CA10: variants seen among roughly 807,000 people sequenced by gnomAD.
CA10 encodes the protein carbonic anhydrase 10 (inactive).
A neutral mutation model predicts 44.2 loss-of-function variants in CA10; 14 were observed. That is an observed-to-expected ratio of 0.32 (90% CI 0.21 to 0.50). The LOEUF (loss-of-function observed/expected upper bound fraction) is 0.50, where lower values mean the gene tolerates loss of function less well. CA10 is among the 20% of genes least tolerant of loss of function. CA10 has a pLI of 0.99. For missense variants in CA10, 350 were observed against 409.7 expected, an observed-to-expected ratio of 0.85 and a Z score of 1.26; for synonymous variants, 159 against 141.6, an observed-to-expected ratio of 1.12 and a Z score of -0.87.
intron 1 of CA10, among the ~76,000 whole-genome samples, chr17:52,125,519 G>C (rs1989100279): frequency 6.6e-6 from 1 of 152,132 alleles, no homozygotes. Context: ...AAGTGGGGCG[G>C]ATCTCTAGAG....
chr17:51,733,371 A>G lies in CA10; in HGVS notation c.465+14262T>C, dbSNP rs576457302. 2.0e-5 allele frequency among the ~76,000 whole-genome samples: 3 copies of G among 152,212 alleles called. No individual in the cohort carries two copies. In the East Asian group the frequency reaches 5.8e-4, roughly 30 times the overall value. On this transcript the variant is annotated intron_variant, in intron 4 of 8. Coordinates refer to ENST00000451037, the MANE Select transcript of CA10 (RefSeq NM_020178.5). The stretch of plus-strand genomic sequence containing the variant: ...TGTTCCGTCTCGTTTCCAGTTTGAG[A>G]AGGCAGGGAGGCTGGGAAGCTGAAA...
At chr17:51,802,858 T>C (rs1906987567) in intron 3 of CA10, among the ~76,000 whole-genome samples, 2 of 152,166 alleles carry the variant, frequency 1.3e-5, no homozygotes, top group Admixed American at 6.6e-5. Context: ...TCAAGCTCTA[T>C]CTGCTTCCAG....
intron 2 of CA10, among the ~76,000 whole-genome samples, chr17:51,946,856 A>G (rs1649548470): frequency 1.3e-5 from 2 of 152,140 alleles, no homozygotes; most frequent in Non-Finnish European, 2.9e-5. Flanking sequence ...TGTTTGATGA[A>G]TGAATGAGGA....
At chr17:51,728,300 A>G (rs1916598282) in intron 4 of CA10, among the ~76,000 whole-genome samples, 5 of 151,992 alleles carry the variant, frequency 3.3e-5, no homozygotes, top group Admixed American at 3.3e-4. Flanking sequence ...TTTTTTATTG[A>G]AACTAAGAAG....
rs1406721956 is a variant in CA10 at position 51,796,229 on chromosome 17, T to TA, written c.280-48412dup. On this transcript the variant is annotated intron_variant, in intron 3 of 8. Coordinates refer to ENST00000451037, the MANE Select transcript of CA10 (RefSeq NM_020178.5). ...GTGTTCCAATCCTGTTCTTTTTTTT[T>TA]AGAGGCGACCACTGAGGCCCAGAAA... Among the ~76,000 whole-genome samples, 9 of 152,082 alleles carry TA rather than the reference T, an allele frequency of 5.9e-5. No individual in the cohort carries two copies. In the South Asian group the frequency reaches 1.7e-3, roughly 28 times the overall value.
At chr17:51,823,653 TGAC>T (rs1432028262) in intron 3 of CA10, among the ~76,000 whole-genome samples, 1 of 152,176 alleles carries the variant, frequency 6.6e-6, no homozygotes. Context: ...CAGTGGATGA[TGAC>T]AACTCTTAAG....
chr17:52,109,640 T>C (rs1191062643), intron 1 of CA10, among the ~76,000 whole-genome samples: 2 of 152,232 alleles, frequency 1.3e-5, no homozygotes, highest in African/African-American at 2.4e-5. Context: ...TGGAAATTAA[T>C]AGAGAGGGAG....
intron 3 of CA10, among the ~76,000 whole-genome samples, chr17:51,756,855 C>A (rs552528014): frequency 1.4e-4 from 22 of 152,136 alleles, no homozygotes; most frequent in African/African-American, 4.3e-4. Flanking sequence ...CATGGATATG[C>A]CAGGTTGGGT....
At chr17:51,680,928 TC>T (rs1914825457) in intron 4 of CA10, among the ~76,000 whole-genome samples, 1 of 152,058 alleles carries the variant, frequency 6.6e-6, no homozygotes, top group Non-Finnish European at 1.5e-5. Flanking sequence ...CCCCCAACAT[TC>T]CCAGAGAGCC....
intron 4 of CA10, among the ~76,000 whole-genome samples, chr17:51,734,056 T>C (rs1429842584): frequency 1.3e-5 from 1 of 79,818 alleles, no homozygotes; most frequent in Non-Finnish European, 2.8e-5. Context: ...CAAGAAAAGG[T>C]CGCAGATCCA....
chr17:51,753,848 T>A (rs1904979378), intron 3 of CA10, among the ~76,000 whole-genome samples: 1 of 152,132 alleles, frequency 6.6e-6, no homozygotes, highest in South Asian at 2.1e-4. Flanking sequence ...GTGCAGTTTT[T>A]GTTTCTGTTT....
At chr17:52,106,264 C>A (rs1004714567) in intron 1 of CA10, among the ~76,000 whole-genome samples, 1 of 152,190 alleles carries the variant, frequency 6.6e-6, no homozygotes, top group Non-Finnish European at 1.5e-5. Context: ...CCATTCATTC[C>A]GTTTCCAAAT....
At chr17:52,015,922 G>T (rs533568876) in intron 2 of CA10, among the ~76,000 whole-genome samples, 1 of 152,178 alleles carries the variant, frequency 6.6e-6, no homozygotes, top group African/African-American at 2.4e-5. Context: ...ATGTGGGGAG[G>T]ATCATTTTTA....
intron 4 of CA10, among the ~76,000 whole-genome samples, chr17:51,733,916 T>C (rs966960161): frequency 6.6e-6 from 1 of 152,172 alleles, no homozygotes; most frequent in African/African-American, 2.4e-5. Flanking sequence ...CTAGAGTTTC[T>C]AGTAAAATAC....
chr17:51,809,378 A>G (rs1228379230), intron 3 of CA10, among the ~76,000 whole-genome samples: 1 of 152,230 alleles, frequency 6.6e-6, no homozygotes, highest in Non-Finnish European at 1.5e-5. Flanking sequence ...TTATACCAAA[A>G]TTATTATACC....
At position 52,144,753 on chromosome 17, in the gene CA10, A is replaced by T. The variant is rs562715205; in HGVS notation, c.61+12973T>A. Among the ~76,000 whole-genome samples, 4 of 152,344 alleles carry T rather than the reference A, an allele frequency of 2.6e-5. No individual in the cohort carries two copies. The South Asian group carries it at 8.3e-4, about 32-fold the overall frequency. ...CCCCATGTTTTACATGATATTGCCAAATTCCTTCCTAATTTTGCTCAACGT... is the reference window on the plus strand; with the variant it reads ...CCCCATGTTTTACATGATATTGCCATATTCCTTCCTAATTTTGCTCAACGT... On this transcript the variant is annotated intron_variant, in intron 1 of 8. Coordinates refer to ENST00000451037, the MANE Select transcript of CA10 (RefSeq NM_020178.5).
chr17:52,152,188 G>T (rs1989718234), intron 1 of CA10, among the ~76,000 whole-genome samples: 1 of 151,950 alleles, frequency 6.6e-6, no homozygotes, highest in African/African-American at 2.4e-5. Flanking sequence ...GCTAGTTGTA[G>T]ACATGCAACA....
At chr17:52,007,643 G>T (rs1203268812) in intron 2 of CA10, among the ~76,000 whole-genome samples, 1 of 151,404 alleles carries the variant, frequency 6.6e-6, no homozygotes, top group African/African-American at 2.4e-5. Flanking sequence ...ATTTGCTGAT[G>T]TTTTATTTAC....
At chr17:52,090,783 G>T (rs936148941) in intron 1 of CA10, among the ~76,000 whole-genome samples, 4 of 151,970 alleles carry the variant, frequency 2.6e-5, no homozygotes, top group African/African-American at 9.7e-5. Flanking sequence ...AATAAATTCT[G>T]CCCACACCCC....
Sources: allele counts gnomAD v4.1 joint callset (sites outside exome capture counted in the v4.1 genomes callset), GRCh38; gene constraint gnomAD v4.1.1; transcripts MANE v1.5; gene names NCBI Gene and HGNC (gene_info 2026-07-23, HGNC 2026-07-21).